The following COA1 variants were observed in gnomAD, a reference collection of about 807,000 sequenced individuals.
COA1 encodes the protein cytochrome c oxidase assembly factor 1, also known as cytochrome c oxidase assembly factor 1 homolog.
A neutral mutation model predicts 16.0 loss-of-function variants in COA1; 13 were observed. The ratio of observed to expected loss-of-function variants is 0.81; its 90% CI spans 0.53 to 1.29. The LOEUF (loss-of-function observed/expected upper bound fraction) is 1.29, where lower values mean the gene tolerates loss of function less well. COA1 is among the 50% of genes most tolerant of loss of function. COA1 has a pLI of 0.00. For missense variants in COA1, 179 were observed against 177.0 expected (o/e 1.01, Z -0.06); for synonymous variants, 65 against 65.7 (o/e 0.99, Z 0.05).
intron 1 of COA1, among the ~76,000 whole-genome samples, chr7:43,700,232 GTAA>G (rs1288828758): frequency 2.0e-5 from 3 of 151,882 alleles, no homozygotes; most frequent in Non-Finnish European, 2.9e-5. Flanking sequence ...ACCTCGATCA[GTAA>G]TAATATTTCA....
At chr7:43,645,969 A>T (rs2089174014) in intron 3 of COA1, 1 of 153,518 alleles carries the variant, frequency 6.5e-6, no homozygotes, top group Non-Finnish European at 1.5e-5. Context: ...ATTTCAACTC[A>T]AACTGCTCTC....
At chr7:43,622,607 TTATAA>T (rs1423962602) in intron 6 of COA1, 1 of 152,200 alleles carries the variant, frequency 6.6e-6, no homozygotes, top group Non-Finnish European at 1.5e-5. Flanking sequence ...AGGAGCATTT[TTATAA>T]TATTTTTCCT....
intron 1 of COA1, among the ~76,000 whole-genome samples, chr7:43,710,325 G>A (rs1377080771): frequency 8.3e-6 from 1 of 121,012 alleles, no homozygotes; most frequent in African/African-American, 3.1e-5. Context: ...TTCCAGCTTG[G>A]GTGAAAGAGC....
rs150325555 is a variant in COA1, at chr7:43,633,670, G to A, written c.*133+5779C>T. On this transcript the variant is annotated intron_variant and NMD_transcript_variant, in intron 6 of 6. Coordinates refer to the COA1 transcript ENST00000415076. Reference sequence around the variant, plus strand: ...AAAAGTGGCACCAAAAGACTTGCTCGACAGTCGCCACAAACCCACAATTTG... The same window carrying A: ...AAAAGTGGCACCAAAAGACTTGCTCAACAGTCGCCACAAACCCACAATTTG... Among the ~76,000 whole-genome samples the A allele has an allele frequency of 9.9e-5, 15 of 152,282 alleles. No homozygotes were observed. The East Asian group carries it at 2.7e-3, about 27-fold the overall frequency.
At chr7:43,680,826 C>T (rs1251419101) in intron 1 of COA1, among the ~76,000 whole-genome samples, 1 of 151,970 alleles carries the variant, frequency 6.6e-6, no homozygotes, top group Non-Finnish European at 1.5e-5. Context: ...AAAGAATTAG[C>T]CAAGTATGGT....
intron 6 of COA1, among the ~76,000 whole-genome samples, chr7:43,630,182 CCA>C (rs2085031397): frequency 6.6e-6 from 1 of 152,032 alleles, no homozygotes; most frequent in Non-Finnish European, 1.5e-5. Context: ...TTGCCAACCC[CCA>C]GGCAATTATA....
At chr7:43,721,781 T>G (rs62461098) in intron 1 of COA1, among the ~76,000 whole-genome samples, 1 of 151,688 alleles carries the variant, frequency 6.6e-6, no homozygotes, top group African/African-American at 2.4e-5. Flanking sequence ...TGTACGGTAA[T>G]TTAAAAAAAA....
At chr7:43,708,689 T>C (rs2095095025) in intron 1 of COA1, among the ~76,000 whole-genome samples, 1 of 152,250 alleles carries the variant, frequency 6.6e-6, no homozygotes, top group Non-Finnish European at 1.5e-5. Flanking sequence ...CCCATTATTC[T>C]ACTGGCTTGT....
intron 1 of COA1, among the ~76,000 whole-genome samples, chr7:43,681,999 T>C (rs1288869431): frequency 6.6e-6 from 1 of 152,134 alleles, no homozygotes. Flanking sequence ...GTATAAAAAA[T>C]AGTGTGGAAC....
chr7:43,727,394 G>A (rs904730431), intron 1 of COA1, among the ~76,000 whole-genome samples: 1 of 152,138 alleles, frequency 6.6e-6, no homozygotes, highest in African/African-American at 2.4e-5. Context: ...ATGAAAACAT[G>A]ATGTCCACAC....
At chr7:43,640,074 G>A in intron 5 of COA1, among the ~76,000 whole-genome samples, 1 of 152,166 alleles carries the variant, frequency 6.6e-6, no homozygotes, top group Non-Finnish European at 1.5e-5. Flanking sequence ...TTTTGTCCTT[G>A]GGAATTAAAA....
intron 1 of COA1, among the ~76,000 whole-genome samples, chr7:43,652,311 G>C (rs1293449803): frequency 1.3e-5 from 2 of 152,152 alleles, no homozygotes; most frequent in African/African-American, 4.8e-5. Flanking sequence ...CTGTTCCTCT[G>C]GGTAACATGG....
At chr7:43,695,806 T>C (rs776419071) in intron 1 of COA1, among the ~76,000 whole-genome samples, 47 of 152,164 alleles carry the variant, frequency 3.1e-4, no homozygotes, top group Non-Finnish European at 5.1e-4. Context: ...GCAATACTAG[T>C]AAAACTGAAA....
chr7:43,709,433 ATTGT>A (rs1254930768), intron 1 of COA1, among the ~76,000 whole-genome samples: 33 of 85,342 alleles, frequency 3.9e-4, no homozygotes, highest in African/African-American at 1.3e-3. Flanking sequence ...ACTTTGTTTT[ATTGT>A]GTGTGTGTGT....
At chr7:43,645,760 CTA>C (rs1454024503) in intron 3 of COA1, 2 of 190,184 alleles carry the variant, frequency 1.1e-5, no homozygotes, top group Non-Finnish European at 2.2e-5. Flanking sequence ...TAAAGTCCTA[CTA>C]TGATTCCATG....
intron 1 of COA1, among the ~76,000 whole-genome samples, chr7:43,691,487 T>C (rs558663633): frequency 1.3e-5 from 2 of 148,650 alleles, no homozygotes; most frequent in South Asian, 2.1e-4. Flanking sequence ...GAAATTATCA[T>C]CAATATAACA....
At chr7:43,612,538 T>C (rs1184147467) in intron 6 of COA1, among the ~76,000 whole-genome samples, 1 of 152,250 alleles carries the variant, frequency 6.6e-6, no homozygotes, top group African/African-American at 2.4e-5. Flanking sequence ...TTTCATTCTC[T>C]AAAAACTGAT....
downstream of COA1, among the ~76,000 whole-genome samples, chr7:43,638,297 T>G (rs1294308080): frequency 2.6e-5 from 4 of 151,906 alleles, no homozygotes. Context: ...CTCATGGCTG[T>G]CCTTCATTGT....
At chr7:43,670,451 T>TA (rs879337869) in intron 1 of COA1, among the ~76,000 whole-genome samples, 86 of 145,342 alleles carry the variant, frequency 5.9e-4, no homozygotes, top group African/African-American at 6.8e-4. Flanking sequence ...AGACTTGGTC[T>TA]AAAAAAAAAA....
Sources: allele counts gnomAD v4.1 joint callset (sites outside exome capture counted in the v4.1 genomes callset), GRCh38; gene constraint gnomAD v4.1.1; transcripts MANE v1.5; gene names NCBI Gene and HGNC (gene_info 2026-07-23, HGNC 2026-07-21).